NTN1: variants seen among roughly 807,000 people sequenced by gnomAD.
NTN1 encodes netrin 1, also known as netrin-1.
Under a neutral mutation model 54.2 loss-of-function variants are expected in NTN1, and 11 were observed. The observed-to-expected ratio is 0.20, with a 90% CI of 0.13 to 0.34. NTN1 has a LOEUF of 0.34. NTN1 is among the 10% of genes least tolerant of loss of function. The probability of loss-of-function intolerance (pLI) is 1.00; values close to 1 mark genes in which losing one functional copy is unlikely to be tolerated. For missense variants in NTN1, 740 were observed against 893.1 expected, an observed-to-expected ratio of 0.83 and a Z score of 2.18; for synonymous variants, 371 against 382.0, an observed-to-expected ratio of 0.97 and a Z score of 0.33.
intron 2 of NTN1, among the ~76,000 whole-genome samples, chr17:9,115,177 G>A (rs1234103376): frequency 6.6e-6 from 1 of 152,244 alleles, no homozygotes; most frequent in Non-Finnish European, 1.5e-5. Context: ...GTAAGTGGGT[G>A]AATGAAAAAC....
chr17:9,032,753 C>G (rs887375863), intron 2 of NTN1, among the ~76,000 whole-genome samples: 1 of 152,190 alleles, frequency 6.6e-6, no homozygotes, highest in Non-Finnish European at 1.5e-5. Flanking sequence ...ACCCTCAGCC[C>G]TTTGGCCAGC....
chr17:9,109,309 TTC>T (rs2092181267), intron 2 of NTN1, among the ~76,000 whole-genome samples: 1 of 152,370 alleles, frequency 6.6e-6, no homozygotes, highest in South Asian at 2.1e-4. Flanking sequence ...CAGTTTATCT[TTC>T]TCTGTTTTTC....
At position 9,195,192 on chromosome 17, in the gene NTN1, A is replaced by ACCGACCCC. The variant is rs3031881; in HGVS notation, c.1411+12225_1411+12226insGACCCCCC. Among the ~76,000 whole-genome samples the ACCGACCCC allele has an allele frequency of 4.2e-5, 6 of 142,398 alleles. No individual in the cohort carries two copies. In the South Asian group the frequency reaches 1.4e-3, roughly 33 times the overall value. The allele number at this position is 142,398 out of a possible 152,430, so 93.4% of individuals were successfully genotyped here. A position where few individuals can be genotyped will look rare whatever the true frequency, so the allele number is the denominator to read the frequency against. On this transcript the variant is annotated intron_variant, in intron 5 of 6. Coordinates refer to ENST00000173229, the MANE Select transcript of NTN1 (RefSeq NM_004822.3). ...GGGTGAACAGGGCCAGGCGAGCTCT[A>ACCGACCCC]CCACCCCTCCACCCCTCCACCCTGG...
At chr17:9,127,077 G>GGGC (rs2092249945) in intron 2 of NTN1, among the ~76,000 whole-genome samples, 1 of 145,776 alleles carries the variant, frequency 6.9e-6, no homozygotes, top group South Asian at 2.4e-4. Flanking sequence ...GGGCCGGGGG[G>GGGC]GGGCAGGACA....
At chr17:9,054,274 C>A (rs1597471250) in intron 2 of NTN1, among the ~76,000 whole-genome samples, 1 of 152,094 alleles carries the variant, frequency 6.6e-6, no homozygotes, top group Admixed American at 6.5e-5. Flanking sequence ...AGTGGATCCC[C>A]GAAGAGCCGA....
At chr17:9,040,312 G>A (rs1348704656) in intron 2 of NTN1, among the ~76,000 whole-genome samples, 1 of 151,870 alleles carries the variant, frequency 6.6e-6, no homozygotes, top group African/African-American at 2.4e-5. Context: ...CTTTATATTA[G>A]CATCACACAT....
In NTN1 at chr17:9,179,941, A is replaced by G; in HGVS notation, c.1342A>G (p.Ile448Val). The G allele has an allele frequency of 6.2e-7, 1 of 1,613,582 alleles. No individual in the cohort carries two copies. The change falls in exon 4 of 7, where the codon ATC (isoleucine) becomes GTC (valine). Residue 448 changes from isoleucine to valine, a missense_variant. Coordinates refer to ENST00000173229, the MANE Select transcript of NTN1 (RefSeq NM_004822.3). ...AKGYQQSRSP[I>V]APCIKIPVAP... is the part of the protein sequence containing the mutation. ...AGGCTACCAGCAGAGCCGCTCTCCC[A>G]TCGCCCCCTGCATAAGTATGTGTGG...
intron 2 of NTN1, among the ~76,000 whole-genome samples, chr17:9,099,802 T>C (rs527843619): frequency 6.6e-6 from 1 of 152,330 alleles, no homozygotes; most frequent in East Asian, 1.9e-4. Context: ...ACCTATGTAA[T>C]AGGCAAAATA....
At chr17:9,036,526 G>T (rs1213686911) in intron 2 of NTN1, among the ~76,000 whole-genome samples, 1 of 151,174 alleles carries the variant, frequency 6.6e-6, no homozygotes, top group East Asian at 2.0e-4. Context: ...CTCTCAGAGT[G>T]CTTAGATTAC....
chr17:9,070,644 T>G (rs1357663157), intron 2 of NTN1, among the ~76,000 whole-genome samples: 1 of 152,188 alleles, frequency 6.6e-6, no homozygotes. Flanking sequence ...CAGGCTGGAG[T>G]GCAATGTTGC....
chr17:9,207,612 C>A (rs1310225986), intron 5 of NTN1, among the ~76,000 whole-genome samples: 3 of 152,198 alleles, frequency 2.0e-5, no homozygotes, highest in Non-Finnish European at 4.4e-5. Flanking sequence ...TCTGCCACCC[C>A]CTCTGTCCTG....
chr17:9,137,745 G>A (rs1316485634), intron 2 of NTN1, among the ~76,000 whole-genome samples: 1 of 151,864 alleles, frequency 6.6e-6, no homozygotes, highest in Non-Finnish European at 1.5e-5. Context: ...AGTGAGCCGA[G>A]ATCGCGCCAC....
intron 5 of NTN1, among the ~76,000 whole-genome samples, chr17:9,200,923 A>G (rs1026769699): frequency 1.3e-5 from 2 of 152,204 alleles, no homozygotes; most frequent in African/African-American, 4.8e-5. Flanking sequence ...GGCAGGCGTC[A>G]CTAAGAGACT....
At chr17:9,038,265 C>CACACACACACACACACA (rs55982115) in intron 2 of NTN1, among the ~76,000 whole-genome samples, 2,243 of 144,156 alleles carry the variant, frequency 0.016, 70 homozygotes, top group African/African-American at 0.054. Flanking sequence ...TTCTCTCTCT[C>CACACACACACACACACA]CACACACACA....
rs1183255819 is a variant in NTN1 at position 9,239,731 on chromosome 17, C to T, written c.1578C>T (p.Ser526=). Residue 526 remains serine (S), a synonymous_variant, in exon 7 of 7, where the codon AGC becomes AGT. Transcript: ENST00000173229. The surrounding 1 kb of genome is among the most constrained non-coding windows in gnomAD (Gnocchi z 5.2). The part of the protein sequence containing the change: ...NIISVYKQGT[S]RIRRGDQSLW... ...TCTCCGTGTATAAGCAGGGCACGAG[C>T]CGCATCCGCCGCGGTGACCAGAGCC... is the stretch of plus-strand genomic sequence containing the variant. 2 of 1,613,676 alleles carry T rather than the reference C, an allele frequency of 1.2e-6. No homozygotes were observed. The highest frequency in any genetic ancestry group is 8.5e-7 in the Non-Finnish European group (1 of 1,180,026).
the NTN1 span, among the ~76,000 whole-genome samples, chr17:9,007,288 C>CT: frequency 2.2e-5 from 3 of 136,238 alleles, no homozygotes; most frequent in African/African-American, 8.4e-5. Context: ...TCATCCCTTC[C>CT]TTCCTTCTTT....
At chr17:9,080,914 T>C (rs564759930) in intron 2 of NTN1, among the ~76,000 whole-genome samples, 1 of 152,350 alleles carries the variant, frequency 6.6e-6, no homozygotes, top group African/African-American at 2.4e-5. Flanking sequence ...TCTCACCCTA[T>C]GTATCTCTTC....
intron 2 of NTN1, 44 bp downstream of exon 2, chr17:9,023,435 G>A: frequency 3.7e-6 from 5 of 1,342,064 alleles, no homozygotes; most frequent in East Asian, 6.1e-5. Flanking sequence ...GTGGGGCCGC[G>A]GGCGGGAGCT....
At chr17:9,047,101 C>A (rs994049840) in intron 2 of NTN1, among the ~76,000 whole-genome samples, 2 of 152,186 alleles carry the variant, frequency 1.3e-5, no homozygotes, top group African/African-American at 4.8e-5. Flanking sequence ...CTAACGATCA[C>A]CTGAGCCTTC....
Sources: gnomAD v4.1 joint callset for allele counts (sites outside exome capture counted in the v4.1 genomes callset) on GRCh38, gnomAD v4.1.1 for gene constraint, Gnocchi (gnomAD v3.1) non-coding constraint, MANE v1.5 for transcripts, NCBI Gene and HGNC (gene_info 2026-07-23, HGNC 2026-07-21) for gene names.